HELZ: variants seen among roughly 807,000 people sequenced by gnomAD.
HELZ encodes the protein helicase with zinc finger, also known as ATP-dependent RNA helicase with zinc finger domain.
In HELZ, 23 loss-of-function variants were observed where a neutral mutation model predicts 218.2. The ratio of observed to expected loss-of-function variants is 0.11; its 90% CI spans 0.08 to 0.15. The LOEUF is 0.15. HELZ is among the 10% of genes least tolerant of loss of function. The pLI, the probability that HELZ is intolerant of heterozygous loss-of-function variation, is 1.00. For synonymous variants in HELZ, 814 were observed against 829.4 expected, an observed-to-expected ratio of 0.98 and a Z score of 0.32; for missense variants, 1,813 against 2,353.7, an observed-to-expected ratio of 0.77 and a Z score of 4.75.
At chr17:67,152,387 A>G (rs1598329716) in intron 17 of HELZ, among the ~76,000 whole-genome samples, 1 of 152,194 alleles carries the variant, frequency 6.6e-6, no homozygotes, top group East Asian at 1.9e-4. Flanking sequence ...GAGTGCAGAC[A>G]AGAGCAGATG....
rs1461454667 is a variant in HELZ, at chr17:67,088,234, CT to C, written c.5242-1154del. 2.0e-5 allele frequency among the ~76,000 whole-genome samples: 3 copies of C among 152,228 alleles called. No individual in the cohort carries two copies. In the East Asian group the frequency reaches 5.8e-4, roughly 29 times the overall value. On this transcript the variant is annotated intron_variant, in intron 31 of 32. Coordinates refer to ENST00000358691, the MANE Select transcript of HELZ (RefSeq NM_014877.4). ...GTTTCATTGCCCCTTTCTTTTTCCTCTTTTCTTTTTTGGATAGCAAATGATA... is the reference window on the plus strand; with the variant it reads ...GTTTCATTGCCCCTTTCTTTTTCCTCTTTCTTTTTTGGATAGCAAATGATA...
chr17:67,194,499 T>C (rs1663000983), intron 8 of HELZ, among the ~76,000 whole-genome samples: 1 of 152,228 alleles, frequency 6.6e-6, no homozygotes, highest in Admixed American at 6.5e-5. Context: ...TTATCACCCA[T>C]GTTCCTTAAG....
chr17:67,100,927 C>T (rs1437665128), intron 31 of HELZ, among the ~76,000 whole-genome samples: 1 of 151,704 alleles, frequency 6.6e-6, no homozygotes, highest in Non-Finnish European at 1.5e-5. Flanking sequence ...GGTGAACCCC[C>T]GTCTCTACTA....
chr17:67,163,028 T>C (rs1161431395), intron 15 of HELZ, among the ~76,000 whole-genome samples: 2 of 152,208 alleles, frequency 1.3e-5, no homozygotes. Context: ...CTGACCACTG[T>C]GATTCTATGA....
At chr17:67,169,353 G>A (rs893363829) in intron 13 of HELZ, among the ~76,000 whole-genome samples, 1 of 152,122 alleles carries the variant, frequency 6.6e-6, no homozygotes, top group Admixed American at 6.5e-5. Context: ...AGATCAAGGG[G>A]CTGGCATATG....
chr17:67,239,306 T>C (rs1231724213), intron 3 of HELZ, 127 bp downstream of exon 3: 1 of 152,260 alleles, frequency 6.6e-6, no homozygotes, highest in Non-Finnish European at 1.5e-5. Flanking sequence ...CCGATTCCGT[T>C]AGGATCTGTG....
At chr17:67,237,563 A>T (rs749682759) in intron 3 of HELZ, among the ~76,000 whole-genome samples, 16 of 150,642 alleles carry the variant, frequency 1.1e-4, no homozygotes, top group Non-Finnish European at 2.1e-4. Context: ...ATGTAGATAG[A>T]TTTTTTTTTT....
In HELZ at chr17:67,108,988, A is replaced by G. The variant is rs1316897054; in HGVS notation, c.4489+128T>C. 1 of 782,270 alleles carries G rather than the reference A, an allele frequency of 1.3e-6. No individual in the cohort carries two copies. Among genetic ancestry groups the G allele is most frequent in the African/African-American group, 1.7e-5 (1 of 57,466 alleles). 48.5% of individuals were successfully genotyped at this position (782,270 alleles called of 1,614,324 possible). A position where few individuals can be genotyped will look rare whatever the true frequency, so the allele number is the denominator to read the frequency against. Reference sequence around the variant, plus strand: ...TTTAGAACTAGTTTCTGATTATCACACTAAATGGGGGGGTTTTGCTAGCAT... The same window carrying G: ...TTTAGAACTAGTTTCTGATTATCACGCTAAATGGGGGGGTTTTGCTAGCAT... On this transcript the variant is annotated intron_variant, in intron 29 of 32. Coordinates refer to ENST00000358691, the MANE Select transcript of HELZ (RefSeq NM_014877.4). The surrounding 1 kb of genome is among the most constrained non-coding windows in gnomAD (Gnocchi z 4.1).
intron 31 of HELZ, among the ~76,000 whole-genome samples, chr17:67,093,425 C>T (rs138552285): frequency 7.9e-5 from 12 of 152,116 alleles, no homozygotes; most frequent in Non-Finnish European, 1.3e-4. Context: ...AAAAATAATG[C>T]TAGAAAATTA....
Position 67,151,727 on chromosome 17 carries a change from CTCTG to C in HELZ, c.2178-507_2178-504del, listed in dbSNP as rs527338027. On this transcript the variant is annotated intron_variant, in intron 17 of 32. Transcript: ENST00000358691. ...TTCTTATACCTATACTTAAGTAGAC[CTCTG>C]TCTGAGGTTCTGGAAATTTAAGAAT... Among the ~76,000 whole-genome samples, 215 of 152,124 alleles carry C rather than the reference CTCTG, an allele frequency of 1.4e-3. 4 individuals carry two copies. Among genetic ancestry groups the C allele is most frequent in the Non-Finnish European group, 1.8e-3 (122 of 67,970 alleles).
chr17:67,083,202 T>C (rs2143551838), intron 32 of HELZ, among the ~76,000 whole-genome samples: 1 of 152,276 alleles, frequency 6.6e-6, no homozygotes, highest in Non-Finnish European at 1.5e-5. Flanking sequence ...AAAATAATAG[T>C]TTAGAGGCAG....
intron 32 of HELZ, among the ~76,000 whole-genome samples, chr17:67,085,970 T>C (rs1330227850): frequency 6.6e-6 from 1 of 152,158 alleles, no homozygotes. Context: ...AGTTCTACAG[T>C]TTATTAGAAT....
chr17:67,150,138 T>TC, intron 18 of HELZ, 153 bp from the exon 19 acceptor site: 1 of 463,638 alleles, frequency 2.2e-6, no homozygotes, highest in Admixed American at 3.7e-5. Flanking sequence ...TTCTTTTTTT[T>TC]TTTTTTTTTT....
chr17:67,203,527 G>A, intron 5 of HELZ, 84 bp from the exon 6 acceptor site: 1 of 1,503,100 alleles, frequency 6.7e-7, no homozygotes, highest in South Asian at 1.3e-5. Flanking sequence ...ACTATCACAA[G>A]CGTGGCTTTT....
intron 31 of HELZ, among the ~76,000 whole-genome samples, chr17:67,100,883 G>A (rs1025705885): frequency 6.6e-6 from 1 of 151,766 alleles, no homozygotes. Flanking sequence ...GGCGGATCAC[G>A]AGGTCAGGAG....
intron 32 of HELZ, among the ~76,000 whole-genome samples, chr17:67,084,079 T>C (rs2036279727): frequency 6.6e-6 from 1 of 152,230 alleles, no homozygotes; most frequent in Non-Finnish European, 1.5e-5. Context: ...TGTGATTATT[T>C]TATGTCTGAT....
rs1367941237 is a variant in HELZ at position 67,193,867 on chromosome 17, T to G, written c.557+100A>C. On this transcript the variant is annotated intron_variant, in intron 9 of 32. Transcript: ENST00000358691. ...GATAATGACCTTTATGGCTTCTGTT[T>G]CAAATTGAAAATAAACCATTTTACT... 1.4e-5 allele frequency: 12 copies of G among 838,300 alleles called. No homozygotes were observed. In the East Asian group the frequency reaches 3.1e-4, roughly 22 times the overall value. 51.9% of individuals were successfully genotyped at this position (838,300 alleles called of 1,614,324 possible). A position where few individuals can be genotyped will look rare whatever the true frequency, so the allele number is the denominator to read the frequency against.
chr17:67,193,091 C>G (rs973845785), intron 9 of HELZ, among the ~76,000 whole-genome samples: 11 of 152,004 alleles, frequency 7.2e-5, no homozygotes, highest in Non-Finnish European at 1.5e-4. Flanking sequence ...ATCTGTAATC[C>G]CAGCATTTTG....
chr17:67,206,261 T>A (rs903582398), intron 5 of HELZ, among the ~76,000 whole-genome samples: 1 of 152,244 alleles, frequency 6.6e-6, no homozygotes, highest in East Asian at 1.9e-4. Context: ...TGTTCCTTTC[T>A]GTTCACTAGG....
Sources: allele counts gnomAD v4.1 joint callset (sites outside exome capture counted in the v4.1 genomes callset), GRCh38; gene constraint gnomAD v4.1.1; non-coding constraint Gnocchi (gnomAD v3.1); transcripts MANE v1.5; gene names NCBI Gene and HGNC (gene_info 2026-07-23, HGNC 2026-07-21).